Variants in GRID1 observed in about 807,000 individuals in gnomAD.
GRID1 encodes glutamate receptor ionotropic, delta-1.
Under a neutral mutation model 98.0 loss-of-function variants are expected in GRID1, and 28 were observed. That is an observed-to-expected ratio of 0.29 (90% CI 0.21 to 0.39). GRID1 has a LOEUF of 0.39. Among genes scored for constraint, GRID1 ranks in the 10% least tolerant of loss-of-function variants. The probability of loss-of-function intolerance (pLI) is 1.00; values close to 1 mark genes in which losing one functional copy is unlikely to be tolerated. For missense variants in GRID1, 1,111 were observed against 1,340.5 expected, an observed-to-expected ratio of 0.83 and a Z score of 2.67; for synonymous variants, 553 against 538.5, an observed-to-expected ratio of 1.03 and a Z score of -0.37.
intron 4 of GRID1, among the ~76,000 whole-genome samples, chr10:86,062,169 C>T (rs891385642): frequency 6.6e-6 from 1 of 152,202 alleles, no homozygotes; most frequent in Non-Finnish European, 1.5e-5. Context: ...ATCTTACCCC[C>T]GGCACCTACC....
Position 85,858,357 on chromosome 10 carries a change from C to A in GRID1, c.952-2167G>T, listed in dbSNP as rs73340510. Among the ~76,000 whole-genome samples, 826 of 152,326 alleles carry A rather than the reference C, an allele frequency of 5.4e-3. 6 individuals are homozygous for A. The highest frequency in any genetic ancestry group is 0.019 in the African/African-American group (779 of 41,576). ...CTGCAGCACACAAGAGCTTACTTGA[C>A]AGCAGAGGGAAAACTAAGTACCACC... On this transcript the variant is annotated intron_variant, in intron 6 of 15. Transcript: ENST00000327946.
chr10:85,990,543 G>T (rs1842667484), intron 4 of GRID1, among the ~76,000 whole-genome samples: 1 of 152,182 alleles, frequency 6.6e-6, no homozygotes, highest in South Asian at 2.1e-4. Context: ...CAACCGAGGT[G>T]CCCTTAAGAA....
chr10:85,758,669 G>A (rs1564581415), intron 8 of GRID1, among the ~76,000 whole-genome samples: 2 of 152,314 alleles, frequency 1.3e-5, no homozygotes, highest in Middle Eastern at 3.4e-3. Flanking sequence ...TTCAAGGGTA[G>A]GGTACTGCAA....
intron 3 of GRID1, among the ~76,000 whole-genome samples, chr10:86,160,321 C>T (rs146044274): frequency 2.0e-4 from 30 of 152,276 alleles, no homozygotes; most frequent in African/African-American, 6.5e-4. Flanking sequence ...TGTAGAATTC[C>T]CAGTTCAGTC....
chr10:86,338,570 C>T (rs538190023), intron 2 of GRID1, among the ~76,000 whole-genome samples: 1 of 152,238 alleles, frequency 6.6e-6, no homozygotes, highest in African/African-American at 2.4e-5. Context: ...AACAGCCCCC[C>T]AGGGGAGGGG....
intron 4 of GRID1, among the ~76,000 whole-genome samples, chr10:86,030,930 G>A (rs751499868): frequency 7.2e-5 from 11 of 152,232 alleles, no homozygotes; most frequent in South Asian, 2.1e-4. Context: ...TGCCAGCCAC[G>A]TGTACAGTAA....
At chr10:85,734,409 T>C (rs1002656851) in intron 8 of GRID1, among the ~76,000 whole-genome samples, 1 of 152,130 alleles carries the variant, frequency 6.6e-6, no homozygotes, top group African/African-American at 2.4e-5. Flanking sequence ...TGGAATTTCA[T>C]GAAGGAAAAA....
intron 8 of GRID1, among the ~76,000 whole-genome samples, chr10:85,833,005 C>T (rs2131763524): frequency 6.6e-6 from 1 of 152,324 alleles, no homozygotes; most frequent in South Asian, 2.1e-4. Flanking sequence ...TTATTGGACA[C>T]AGCCCAGGAA....
At position 86,197,292 on chromosome 10, in the gene GRID1, C is replaced by T. The variant is rs573506106; in HGVS notation, c.520+9072G>A. 2.0e-5 allele frequency among the ~76,000 whole-genome samples: 3 copies of T among 152,208 alleles called. No individual in the cohort carries two copies. The South Asian group carries it at 6.2e-4, about 32-fold the overall frequency. On this transcript the variant is annotated intron_variant, in intron 3 of 15. Transcript: ENST00000327946. ...GTCCCAGGCAGAGGAAACAGCCAGC[C>T]CAAAGCCTCTGCAGCAGGTTGTGCC...
intron 4 of GRID1, among the ~76,000 whole-genome samples, chr10:86,093,507 C>G (rs1230298267): frequency 6.6e-6 from 1 of 151,540 alleles, no homozygotes; most frequent in East Asian, 1.9e-4. Flanking sequence ...CACTAAGAAA[C>G]AAAACAGTAG....
chr10:85,956,866 A>AGTT (rs1488934565), intron 4 of GRID1, among the ~76,000 whole-genome samples: 2 of 152,182 alleles, frequency 1.3e-5, no homozygotes, highest in Non-Finnish European at 2.9e-5. Context: ...TCACAGAATC[A>AGTT]CTGTGTATCA....
intron 5 of GRID1, among the ~76,000 whole-genome samples, chr10:85,872,805 C>G (rs756325117): frequency 6.6e-6 from 1 of 152,162 alleles, no homozygotes; most frequent in Non-Finnish European, 1.5e-5. Flanking sequence ...TCCTGTTTCC[C>G]CTAATCCAGT....
chr10:85,638,964 T>G (rs1339642053), intron 13 of GRID1, among the ~76,000 whole-genome samples: 1 of 152,230 alleles, frequency 6.6e-6, no homozygotes, highest in Non-Finnish European at 1.5e-5. Flanking sequence ...CAACTGAGAC[T>G]TACAAGTATA....
At chr10:85,788,706 C>T (rs1320717444) in intron 8 of GRID1, among the ~76,000 whole-genome samples, 2 of 152,230 alleles carry the variant, frequency 1.3e-5, no homozygotes, top group Admixed American at 6.5e-5. Flanking sequence ...CTGTTTGCCT[C>T]CTCACTGTGG....
At chr10:86,097,045 C>A (rs953991617) in intron 4 of GRID1, among the ~76,000 whole-genome samples, 5 of 152,062 alleles carry the variant, frequency 3.3e-5, no homozygotes, top group Non-Finnish European at 7.3e-5. Flanking sequence ...GCTTCCCAGC[C>A]TTTGGACTCC....
In GRID1 at chr10:86,029,968, C is replaced by G. The variant is rs542306169; in HGVS notation, c.726+108851G>C. ...CCTTGCAGGAATTGCTATACTTACT[C>G]TACTATTTGCAGTAGAGCTATACAT... On this transcript the variant is annotated intron_variant, in intron 4 of 15. Coordinates refer to ENST00000327946, the MANE Select transcript of GRID1 (RefSeq NM_017551.3). 2.2e-4 allele frequency among the ~76,000 whole-genome samples: 34 copies of G among 152,362 alleles called. No homozygotes were observed. The South Asian group carries it at 7.0e-3, about 32-fold the overall frequency.
At chr10:85,876,837 GAGT>G (rs1843337558) in intron 5 of GRID1, among the ~76,000 whole-genome samples, 1 of 152,218 alleles carries the variant, frequency 6.6e-6, no homozygotes. Context: ...AGGGGTCAGG[GAGT>G]TCCCTTTCCT....
intron 2 of GRID1, among the ~76,000 whole-genome samples, chr10:86,216,028 G>A (rs1022301938): frequency 6.6e-6 from 1 of 152,080 alleles, no homozygotes; most frequent in African/African-American, 2.4e-5. Context: ...CCCTTTTCCT[G>A]AAATGCTCTT....
intron 4 of GRID1, among the ~76,000 whole-genome samples, chr10:86,032,798 G>A (rs1164620713): frequency 3.3e-5 from 4 of 121,634 alleles, no homozygotes; most frequent in East Asian, 2.3e-4. Context: ...CCCCCTCTCC[G>A]AGAAACACCC....
Sources: allele counts gnomAD v4.1 joint callset (sites outside exome capture counted in the v4.1 genomes callset), GRCh38; gene constraint gnomAD v4.1.1; transcripts MANE v1.5; gene names NCBI Gene and HGNC (gene_info 2026-07-23, HGNC 2026-07-21).